Variants in EFCAB6 observed in about 807,000 individuals in gnomAD.
EFCAB6 encodes the protein EF-hand calcium-binding domain-containing protein 6.
Under a neutral mutation model 169.8 loss-of-function variants are expected in EFCAB6, and 156 were observed. The ratio of observed to expected loss-of-function variants is 0.92; its 90% CI spans 0.81 to 1.05. The LOEUF (loss-of-function observed/expected upper bound fraction) is 1.05, where lower values mean the gene tolerates loss of function less well. EFCAB6 is among the 50% of genes least tolerant of loss of function. The probability of loss-of-function intolerance (pLI) is 0.00; values close to 1 mark genes in which losing one functional copy is unlikely to be tolerated. For synonymous variants in EFCAB6, 698 were observed against 676.4 expected (o/e 1.03, Z -0.50); for missense variants, 1,800 against 1,829.1 (o/e 0.98, Z 0.29).
chr22:43,785,971 T>G (rs2062060800), intron 2 of EFCAB6, among the ~76,000 whole-genome samples: 1 of 152,202 alleles, frequency 6.6e-6, no homozygotes, highest in African/African-American at 2.4e-5. Context: ...GATAGAATTA[T>G]GACAAAAAGA....
At chr22:43,633,481 G>A (rs1280699599) in intron 18 of EFCAB6, among the ~76,000 whole-genome samples, 3 of 152,194 alleles carry the variant, frequency 2.0e-5, no homozygotes, top group African/African-American at 7.2e-5. Context: ...CCAGGAGGCT[G>A]AGGTTGCAGT....
chr22:43,738,923 C>T (rs1030988211), intron 6 of EFCAB6, among the ~76,000 whole-genome samples: 2 of 152,206 alleles, frequency 1.3e-5, no homozygotes, highest in Non-Finnish European at 2.9e-5. Flanking sequence ...GTGATCCTAC[C>T]TATGGCCAGG....
chr22:43,694,375 T>C (rs2058502514), intron 10 of EFCAB6, among the ~76,000 whole-genome samples: 1 of 152,146 alleles, frequency 6.6e-6, no homozygotes. Flanking sequence ...AGGTGAATTC[T>C]ATCAAACATT....
chr22:43,542,934 C>T (rs781343020), intron 27 of EFCAB6, among the ~76,000 whole-genome samples: 3 of 152,150 alleles, frequency 2.0e-5, no homozygotes, highest in African/African-American at 2.4e-5. Context: ...GTGAGGTCTG[C>T]GCACGCTCAA....
At chr22:43,666,912 G>C (rs866097724) in intron 17 of EFCAB6, among the ~76,000 whole-genome samples, 192 bp downstream of exon 17, 1 of 151,086 alleles carries the variant, frequency 6.6e-6, no homozygotes. Context: ...CATCCATATT[G>C]AAAGTATTCT....
At chr22:43,673,880 T>C (rs955480930) in intron 13 of EFCAB6, among the ~76,000 whole-genome samples, 2 of 151,320 alleles carry the variant, frequency 1.3e-5, no homozygotes, top group Admixed American at 1.3e-4. Context: ...TCATTATATG[T>C]GGCGTGAACC....
rs2050677983 is a variant in EFCAB6, at chr22:43,580,877, G to C, written c.3033-218C>G. 2.0e-5 allele frequency among the ~76,000 whole-genome samples: 3 copies of C among 152,208 alleles called. No homozygotes were observed. In the South Asian group the frequency reaches 6.2e-4, roughly 32 times the overall value. On this transcript the variant is annotated intron_variant, in intron 24 of 31. Coordinates refer to ENST00000262726, the MANE Select transcript of EFCAB6 (RefSeq NM_022785.4). ...GGACACAGGGTGATGAGAGGTGAGA[G>C]TGCAGTTCACTGACGGCCGGAGGGC...
intron 22 of EFCAB6, among the ~76,000 whole-genome samples, chr22:43,607,225 C>A (rs891858253): frequency 2.0e-5 from 3 of 152,184 alleles, no homozygotes; most frequent in African/African-American, 7.2e-5. Flanking sequence ...AGGTGGCCTG[C>A]TGAACAAGAA....
intron 13 of EFCAB6, among the ~76,000 whole-genome samples, chr22:43,676,137 G>A (rs1471519953): frequency 1.3e-5 from 2 of 151,988 alleles, no homozygotes; most frequent in East Asian, 1.9e-4. Context: ...ATGAGTTCAG[G>A]CCAGGCGCGG....
chr22:43,575,358 G>GTTTTTTTTT (rs34543550), intron 26 of EFCAB6, among the ~76,000 whole-genome samples: 12 of 104,814 alleles, frequency 1.1e-4, no homozygotes, highest in Middle Eastern at 5.4e-3. Flanking sequence ...ATCCGGCTAT[G>GTTTTTTTTT]TTTTTTTTTT....
intron 17 of EFCAB6, among the ~76,000 whole-genome samples, chr22:43,635,642 T>A (rs2055333358): frequency 6.6e-6 from 1 of 152,194 alleles, no homozygotes; most frequent in Non-Finnish European, 1.5e-5. Context: ...TCATTCAAGT[T>A]TCATTATGCT....
chr22:43,632,433 G>A (rs2047660159), intron 18 of EFCAB6, among the ~76,000 whole-genome samples, 195 bp from the exon 19 acceptor site: 1 of 151,750 alleles, frequency 6.6e-6, no homozygotes, highest in East Asian at 2.0e-4. Context: ...CTGAGTAGCT[G>A]GGATTATAGG....
chr22:43,619,286 T>C (rs1232612849), intron 20 of EFCAB6, among the ~76,000 whole-genome samples: 1 of 152,204 alleles, frequency 6.6e-6, no homozygotes, highest in Non-Finnish European at 1.5e-5. Context: ...AGAAGGCACG[T>C]TAGGACTTGC....
intron 23 of EFCAB6, among the ~76,000 whole-genome samples, chr22:43,594,275 C>CTAAAAAA (rs2051812332): frequency 1.2e-5 from 1 of 81,492 alleles, no homozygotes; most frequent in African/African-American, 5.3e-5. Context: ...AACTCTGTTT[C>CTAAAAAA]AAAAAAAAAA....
intron 31 of EFCAB6, chr22:43,530,566 C>T: frequency 1.0e-6 from 1 of 985,450 alleles, no homozygotes; most frequent in Non-Finnish European, 1.2e-6. Context: ...CCCTGAGGAG[C>T]TGGCGATGCA....
intron 20 of EFCAB6, among the ~76,000 whole-genome samples, chr22:43,625,025 A>C (rs1218163546): frequency 6.6e-6 from 1 of 152,232 alleles, no homozygotes; most frequent in African/African-American, 2.4e-5. Flanking sequence ...CGTTGGAAGC[A>C]GGTGTCCAAC....
chr22:43,711,652 GT>G, intron 9 of EFCAB6, 29 bp from the exon 10 acceptor site: 1 of 1,565,532 alleles, frequency 6.4e-7, no homozygotes, highest in Non-Finnish European at 8.6e-7. Flanking sequence ...AGAGTGTGGC[GT>G]TCATAAATAT....
intron 6 of EFCAB6, among the ~76,000 whole-genome samples, chr22:43,751,980 C>T (rs1273091282): frequency 6.6e-6 from 1 of 152,112 alleles, no homozygotes; most frequent in African/African-American, 2.4e-5. Context: ...CTAGAGTTGG[C>T]AAAATCTGAA....
At chr22:43,680,587 T>C (rs752080991) in intron 12 of EFCAB6, among the ~76,000 whole-genome samples, 3 of 152,236 alleles carry the variant, frequency 2.0e-5, no homozygotes, top group African/African-American at 4.8e-5. Context: ...TCTATAAATA[T>C]GGAATGTATT....
Sources: allele counts gnomAD v4.1 joint callset (sites outside exome capture counted in the v4.1 genomes callset), GRCh38; gene constraint gnomAD v4.1.1; transcripts MANE v1.5; gene names NCBI Gene and HGNC (gene_info 2026-07-23, HGNC 2026-07-21).